The following RRM2 variants were observed in gnomAD, a reference collection of about 807,000 sequenced individuals.
RRM2 encodes ribonucleoside-diphosphate reductase subunit M2.
In RRM2, 6 loss-of-function variants were observed where a neutral mutation model predicts 45.9. The observed-to-expected ratio is 0.13, with a 90% CI of 0.07 to 0.26. The LOEUF (loss-of-function observed/expected upper bound fraction) is 0.26, where lower values mean the gene tolerates loss of function less well. Among genes scored for constraint, RRM2 ranks in the 10% least tolerant of loss-of-function variants. RRM2 has a pLI of 1.00. For synonymous variants in RRM2, 177 were observed against 173.0 expected (o/e 1.02, Z -0.18); for missense variants, 343 against 489.5 (o/e 0.70, Z 2.82).
intron 5 of RRM2, among the ~76,000 whole-genome samples, chr2:10,125,824 T>C (rs1662766434): frequency 6.6e-6 from 1 of 151,890 alleles, no homozygotes; most frequent in Non-Finnish European, 1.5e-5. Flanking sequence ...TGAGGAAACA[T>C]TGGGAGTAAA....
rs144951950 is a variant in RRM2, at chr2:10,172,542, T to C, written n.482+30167T>C. On this transcript the variant is annotated intron_variant and non_coding_transcript_variant, in intron 3 of 3. Coordinates refer to the RRM2 transcript ENST00000381786. The surrounding 1 kb of genome is among the most constrained non-coding windows in gnomAD (Gnocchi z 4.9). ...CCAATAGATTTTTCCAGTAATGAAA[T>C]TGTGAAAATAATTGAATTATGCCTT... Among the ~76,000 whole-genome samples, 3 of 152,240 alleles carry C rather than the reference T, an allele frequency of 2.0e-5. No individual in the cohort carries two copies. The East Asian group carries it at 5.8e-4, about 29-fold the overall frequency.
chr2:10,135,348 C>T (rs982166549), downstream of RRM2, among the ~76,000 whole-genome samples: 10 of 152,078 alleles, frequency 6.6e-5, no homozygotes, highest in South Asian at 6.2e-4. Flanking sequence ...GAATAATGGA[C>T]GCTGCAGAGG....
chr2:10,179,696 T>C (rs1664003903), intron 3 of RRM2, among the ~76,000 whole-genome samples: 1 of 152,168 alleles, frequency 6.6e-6, no homozygotes, highest in Non-Finnish European at 1.5e-5. Context: ...TCTGCCTCTG[T>C]CCAGCACTGT....
At chr2:10,191,878 A>T (rs1253129476) in intron 3 of RRM2, among the ~76,000 whole-genome samples, 1 of 152,164 alleles carries the variant, frequency 6.6e-6, no homozygotes, top group African/African-American at 2.4e-5. Flanking sequence ...AGCAGCAAGG[A>T]CACACTTTAG....
At chr2:10,123,976 A>G (rs1319326820) in intron 4 of RRM2, 124 bp downstream of exon 4, 6 of 683,384 alleles carry the variant, frequency 8.8e-6, no homozygotes, top group South Asian at 5.1e-5. Flanking sequence ...TGGGTTTTAT[A>G]TTACATGGCA....
rs1443972176 is a variant in RRM2 at position 10,142,328 on chromosome 2, G to A, written n.435G>A. ...AATCCCCTGCTTCTGCGTGTCAGGT[G>A]TTACTCGGGGTGCGCCAGTGGAAGC... On this transcript the variant is annotated non_coding_transcript_exon_variant, in exon 3 of 4. Transcript: ENST00000381786. The A allele has an allele frequency of 2.2e-6, 3 of 1,385,640 alleles. No individual in the cohort carries two copies. The African/African-American group carries it at 4.4e-5, about 20-fold the overall frequency. 85.8% of individuals were successfully genotyped at this position (1,385,640 alleles called of 1,614,324 possible). A position where few individuals can be genotyped will look rare whatever the true frequency, so the allele number is the denominator to read the frequency against.
Position 10,195,136 on chromosome 2 carries a change from T to C in RRM2, n.483-15175T>C, listed in dbSNP as rs1384021112. On this transcript the variant is annotated intron_variant and non_coding_transcript_variant, in intron 3 of 3. Transcript: ENST00000381786. The surrounding 1 kb of genome is among the most constrained non-coding windows in gnomAD (Gnocchi z 4.9). ...AGCAGGGTGGTGAGGGCCACAGGTG[T>C]GGTCTGAGCTCCTGGGGAGCTACCG... Among the ~76,000 whole-genome samples the C allele has an allele frequency of 1.3e-5, 2 of 152,266 alleles. No individual in the cohort carries two copies. The highest frequency in any genetic ancestry group is 4.1e-4 in the South Asian group (2 of 4,828).
At chr2:10,202,116 A>G (rs761752029) in intron 3 of RRM2, among the ~76,000 whole-genome samples, 1 of 152,194 alleles carries the variant, frequency 6.6e-6, no homozygotes, top group African/African-American at 2.4e-5. Flanking sequence ...AAACTGGAGG[A>G]TACCCCTTTT....
chr2:10,149,231 C>T (rs1024667771), intron 3 of RRM2, among the ~76,000 whole-genome samples: 6 of 151,718 alleles, frequency 4.0e-5, no homozygotes, highest in African/African-American at 9.7e-5. Context: ...TGGGATCAAG[C>T]GATTCTCCTA....
In RRM2 at chr2:10,122,762, G is replaced by T; in HGVS notation, c.-37G>T. Reference sequence around the variant, plus strand: ...CCGTGCACCCTGTCCCAGCCGTCCTGTCCTGGCTGCTCGCTCTGCTTCGCT... The same window carrying T: ...CCGTGCACCCTGTCCCAGCCGTCCTTTCCTGGCTGCTCGCTCTGCTTCGCT... On this transcript the variant is annotated 5_prime_UTR_variant, in exon 1 of 10. Transcript: ENST00000304567. 1.3e-6 allele frequency: 2 copies of T among 1,562,118 alleles called. No individual in the cohort carries two copies. The highest frequency in any genetic ancestry group is 1.2e-5 in the South Asian group (1 of 84,852).
intron 3 of RRM2, among the ~76,000 whole-genome samples, chr2:10,160,810 G>A (rs777223734): frequency 2.0e-5 from 3 of 152,110 alleles, no homozygotes; most frequent in South Asian, 2.1e-4. Flanking sequence ...CCCTGCCCCC[G>A]CCAGGTGAGC....
intron 3 of RRM2, among the ~76,000 whole-genome samples, chr2:10,190,888 C>T (rs925621939): frequency 2.0e-5 from 3 of 151,984 alleles, no homozygotes; most frequent in African/African-American, 7.3e-5. Context: ...GTGATGGTGA[C>T]GATGGTGATA....
At position 10,204,483 on chromosome 2, in the gene RRM2, G is replaced by A. The variant is rs1664628353; in HGVS notation, n.483-5828G>A. ...GAGAAGCAGCCAAGTCTCTGATGGA[G>A]CCCACCGGAGCAGCCTACCTGGCTT... On this transcript the variant is annotated intron_variant and non_coding_transcript_variant, in intron 3 of 3. Coordinates refer to the RRM2 transcript ENST00000381786. This position sits in a 1 kb window ranked among gnomAD's most constrained non-coding sequence, Gnocchi z 4.0. Among the ~76,000 whole-genome samples, 1 of 152,212 alleles carries A rather than the reference G, an allele frequency of 6.6e-6. No individual in the cohort carries two copies. The highest frequency in any genetic ancestry group is 6.5e-5 in the Admixed American group (1 of 15,282).
chr2:10,193,773 G>A (rs1351773922), intron 3 of RRM2, among the ~76,000 whole-genome samples: 1 of 152,200 alleles, frequency 6.6e-6, no homozygotes, highest in African/African-American at 2.4e-5. Flanking sequence ...CAGAGCCGCA[G>A]CAGCCACAGA....
intron 3 of RRM2, among the ~76,000 whole-genome samples, chr2:10,196,386 G>C (rs1022140019): frequency 2.0e-5 from 3 of 152,184 alleles, no homozygotes; most frequent in African/African-American, 4.8e-5. Context: ...GGACACAGTG[G>C]CATTAGGGAT....
chr2:10,150,111 C>T (rs916026407), intron 3 of RRM2, among the ~76,000 whole-genome samples: 4 of 151,722 alleles, frequency 2.6e-5, no homozygotes, highest in African/African-American at 7.3e-5. Flanking sequence ...CCCAGGAGTT[C>T]GAGAGCAGTC....
At chr2:10,196,124 C>T (rs182206578) in intron 3 of RRM2, among the ~76,000 whole-genome samples, 1 of 152,302 alleles carries the variant, frequency 6.6e-6, no homozygotes, top group East Asian at 1.9e-4. Context: ...TGTGGCTTCT[C>T]ACCCTGTATT....
intron 3 of RRM2, among the ~76,000 whole-genome samples, chr2:10,160,226 G>C (rs1433660408): frequency 2.0e-5 from 3 of 152,214 alleles, no homozygotes; most frequent in Non-Finnish European, 2.9e-5. Context: ...ATTGTCCTGT[G>C]CTAGCTTTTC....
intron 3 of RRM2, among the ~76,000 whole-genome samples, chr2:10,164,907 G>T (rs1415980501): frequency 1.3e-5 from 2 of 152,200 alleles, no homozygotes; most frequent in African/African-American, 4.8e-5. Flanking sequence ...ACTGCGAGGG[G>T]TTCCTCATTC....
Sources: gnomAD v4.1 joint callset for allele counts (sites outside exome capture counted in the v4.1 genomes callset) on GRCh38, gnomAD v4.1.1 for gene constraint, Gnocchi (gnomAD v3.1) non-coding constraint, MANE v1.5 for transcripts, NCBI Gene and HGNC (gene_info 2026-07-23, HGNC 2026-07-21) for gene names.